KSR2: variants seen among roughly 807,000 people sequenced by gnomAD.
KSR2 encodes kinase suppressor of ras 2.
A neutral mutation model predicts 107.8 loss-of-function variants in KSR2; 25 were observed. That is an observed-to-expected ratio of 0.23 (90% CI 0.17 to 0.32). KSR2 has a LOEUF of 0.32. KSR2 is among the 10% of genes least tolerant of loss of function. The probability of loss-of-function intolerance (pLI) is 1.00; values close to 1 mark genes in which losing one functional copy is unlikely to be tolerated. For synonymous variants in KSR2, 480 were observed against 507.0 expected (o/e 0.95, Z 0.71); for missense variants, 887 against 1,268.9 (o/e 0.70, Z 4.57).
intron 1 of KSR2, among the ~76,000 whole-genome samples, chr12:117,898,223 T>A (rs10774965): frequency 0.15 from 23,261 of 152,116 alleles, 2,333 homozygotes; most frequent in East Asian, 0.49. Flanking sequence ...TTAAATGCAA[T>A]CACATTTCAA....
rs1892759158 is a variant in KSR2, at chr12:117,847,885, GAGAA to G, written c.472+7539_472+7542del. Among the ~76,000 whole-genome samples, 3 of 148,286 alleles carry G rather than the reference GAGAA, an allele frequency of 2.0e-5. No homozygotes were observed. The South Asian group carries it at 6.3e-4, about 31-fold the overall frequency. Reference sequence around the variant, plus strand: ...GGTCTCAGTTCAATCCTGAAGTCCTGAGAAAGTCCCTGAGCCCTGGAACCCAACA... The same window carrying G: ...GGTCTCAGTTCAATCCTGAAGTCCTGAGTCCCTGAGCCCTGGAACCCAACA... On this transcript the variant is annotated intron_variant, in intron 3 of 19. Transcript: ENST00000339824.
At chr12:117,720,316 T>A (rs1363853534) in intron 4 of KSR2, among the ~76,000 whole-genome samples, 1 of 152,172 alleles carries the variant, frequency 6.6e-6, no homozygotes, top group Admixed American at 6.5e-5. Flanking sequence ...CTACCCTCTT[T>A]AAAAATCTCA....
At chr12:117,903,131 T>G (rs1007369506) in intron 1 of KSR2, among the ~76,000 whole-genome samples, 2 of 152,262 alleles carry the variant, frequency 1.3e-5, no homozygotes, top group African/African-American at 4.8e-5. Context: ...TTATTTCCAT[T>G]TGATTTTCTT....
rs138326520 is a variant in KSR2 at position 117,697,584 on chromosome 12, A to G, written c.987-29926T>C. Among the ~76,000 whole-genome samples, 574 of 152,216 alleles carry G rather than the reference A, an allele frequency of 3.8e-3. 2 individuals are homozygous for G. The highest frequency in any genetic ancestry group is 0.013 in the African/African-American group (548 of 41,562). On this transcript the variant is annotated intron_variant, in intron 4 of 19. Transcript: ENST00000339824. ...GGTGAAACCCTATTCTACTGAAAATACAAGAATTAGCCAGGCATGGTGGCA... is the reference window on the plus strand; with the variant it reads ...GGTGAAACCCTATTCTACTGAAAATGCAAGAATTAGCCAGGCATGGTGGCA...
chr12:117,815,277 A>T (rs894646828), intron 3 of KSR2, among the ~76,000 whole-genome samples: 35 of 152,236 alleles, frequency 2.3e-4, no homozygotes, highest in African/African-American at 8.4e-4. Flanking sequence ...CATCAATGGG[A>T]GACCAGTTGG....
chr12:117,592,947 CTT>C (rs2136272741), intron 5 of KSR2, among the ~76,000 whole-genome samples: 1 of 152,288 alleles, frequency 6.6e-6, no homozygotes, highest in South Asian at 2.1e-4. Context: ...TGTTTGAAAA[CTT>C]ATCTTTCTTC....
In KSR2 at chr12:117,645,889, G is replaced by A. The variant is rs1252862799; in HGVS notation, c.1171+21585C>T. On this transcript the variant is annotated intron_variant, in intron 5 of 19. Transcript: ENST00000339824. ...TGTGCGTGTGTGTGTGTGTGTGTGT[G>A]TGTGTGTGTGTGTGTGTGTGTGTGT... is the stretch of plus-strand genomic sequence containing the variant. Among the ~76,000 whole-genome samples, 3 of 150,948 alleles carry A rather than the reference G, an allele frequency of 2.0e-5. No homozygotes were observed. In the East Asian group the frequency reaches 5.9e-4, roughly 30 times the overall value.
chr12:117,646,796 A>C (rs1027125965), intron 5 of KSR2, among the ~76,000 whole-genome samples: 10 of 152,200 alleles, frequency 6.6e-5, no homozygotes, highest in African/African-American at 1.9e-4. Context: ...AGATGCTCTG[A>C]CTTCTGAAGG....
intron 5 of KSR2, among the ~76,000 whole-genome samples, chr12:117,647,060 A>G (rs1883679527): frequency 6.6e-6 from 1 of 152,162 alleles, no homozygotes; most frequent in African/African-American, 2.4e-5. Context: ...CACAGAGAAA[A>G]AAGAGAGGAA....
chr12:117,471,903 ATAAAG>A (rs1871481575), intron 17 of KSR2, among the ~76,000 whole-genome samples: 1 of 152,204 alleles, frequency 6.6e-6, no homozygotes, highest in Non-Finnish European at 1.5e-5. Context: ...GAACAAGAGA[ATAAAG>A]TAAAGCATAG....
At chr12:117,659,925 A>G (rs982608657) in intron 5 of KSR2, among the ~76,000 whole-genome samples, 3 of 152,124 alleles carry the variant, frequency 2.0e-5, no homozygotes, top group Non-Finnish European at 4.4e-5. Flanking sequence ...AAATCAAACA[A>G]TCTGGCAGCA....
In KSR2 at chr12:117,574,963, G is replaced by A. The variant is rs1341568983; in HGVS notation, c.1325+4156C>T. ...ATCCAGGCTTCGGGAAGGGCTTTCAGAGGACAGGAAATGACCCAGATCACA... is the reference window on the plus strand; with the variant it reads ...ATCCAGGCTTCGGGAAGGGCTTTCAAAGGACAGGAAATGACCCAGATCACA... On this transcript the variant is annotated intron_variant, in intron 7 of 19. Transcript: ENST00000339824. Among the ~76,000 whole-genome samples the A allele has an allele frequency of 2.0e-5, 3 of 151,040 alleles. No individual in the cohort carries two copies. The South Asian group carries it at 6.3e-4, about 32-fold the overall frequency.
chr12:117,529,063 A>T (rs903711354), intron 12 of KSR2, among the ~76,000 whole-genome samples: 2 of 152,336 alleles, frequency 1.3e-5, no homozygotes, highest in East Asian at 1.9e-4. Context: ...TAAGTCTTTA[A>T]CAAAGTCCAT....
At chr12:117,934,066 C>T (rs911535186) in intron 1 of KSR2, among the ~76,000 whole-genome samples, 10 of 152,184 alleles carry the variant, frequency 6.6e-5, no homozygotes, top group Non-Finnish European at 1.5e-4. Flanking sequence ...ATGTTCTTTA[C>T]CCTTTTGATC....
intron 4 of KSR2, among the ~76,000 whole-genome samples, chr12:117,704,453 T>C (rs975416192): frequency 1.6e-4 from 24 of 152,176 alleles, no homozygotes; most frequent in African/African-American, 5.5e-4. Context: ...AGAGAAGGGA[T>C]CCCCCAAAAC....
chr12:117,693,267 AG>A (rs1488417550), intron 4 of KSR2, among the ~76,000 whole-genome samples: 1 of 152,174 alleles, frequency 6.6e-6, no homozygotes, highest in Non-Finnish European at 1.5e-5. Context: ...ATAAATACCA[AG>A]GGTCTGTTGG....
chr12:117,624,763 A>G (rs1882380903), intron 5 of KSR2, among the ~76,000 whole-genome samples: 1 of 152,200 alleles, frequency 6.6e-6, no homozygotes, highest in African/African-American at 2.4e-5. Flanking sequence ...AGTCATTGGT[A>G]GCTTGATGGG....
rs186307962 is a variant in KSR2 at position 117,741,168 on chromosome 12, G to A, written c.986+19843C>T. Among the ~76,000 whole-genome samples, 205 of 152,240 alleles carry A rather than the reference G, an allele frequency of 1.3e-3. 1 individual carries two copies. Among genetic ancestry groups the A allele is most frequent in the Non-Finnish European group, 1.7e-3 (115 of 68,014 alleles). ...CAATTTGAGCATCAAAATAAATAGC[G>A]ATAGTAAAGGAGTATAACCTATTGA... On this transcript the variant is annotated intron_variant, in intron 4 of 19. Transcript: ENST00000339824.
rs954559558 is a variant in KSR2 at position 117,920,389 on chromosome 12, T to C, written c.180+47687A>G. On this transcript the variant is annotated intron_variant, in intron 1 of 19. Transcript: ENST00000339824. ...TGCTGAGATTACAGGGCTGAACCAC[T>C]GTGGTCTTTTTTTTTTTTTTTAACA... Among the ~76,000 whole-genome samples, 31 of 139,598 alleles carry C rather than the reference T, an allele frequency of 2.2e-4. 2 individuals are homozygous for C. The highest frequency in any genetic ancestry group is 1.5e-4 in the Admixed American group (2 of 13,546). The allele number at this position is 139,598 out of a possible 152,430, so 91.6% of individuals were successfully genotyped here. A position where few individuals can be genotyped will look rare whatever the true frequency, so the allele number is the denominator to read the frequency against.
Sources: gnomAD v4.1 joint callset for allele counts (sites outside exome capture counted in the v4.1 genomes callset) on GRCh38, gnomAD v4.1.1 for gene constraint, MANE v1.5 for transcripts, NCBI Gene and HGNC (gene_info 2026-07-23, HGNC 2026-07-21) for gene names.